DCHS2: variants seen among roughly 807,000 people sequenced by gnomAD.
DCHS2 encodes the protein dachsous cadherin-related 2.
A neutral mutation model predicts 182.4 loss-of-function variants in DCHS2; 142 were observed. The ratio of observed to expected loss-of-function variants is 0.78; its 90% CI spans 0.68 to 0.89. The LOEUF (loss-of-function observed/expected upper bound fraction) is 0.89, where lower values mean the gene tolerates loss of function less well. Ranked by LOEUF, DCHS2 falls within the 40% of genes least tolerant of loss-of-function variation. The pLI is 0.00. For synonymous variants in DCHS2, 1,740 were observed against 1,663.3 expected (o/e 1.05, Z -1.12); for missense variants, 4,319 against 4,198.6 (o/e 1.03, Z -0.79).
chr4:154,437,398 C>T (rs373498517), intron 1 of DCHS2, among the ~76,000 whole-genome samples: 4 of 152,110 alleles, frequency 2.6e-5, no homozygotes, highest in African/African-American at 4.8e-5. Context: ...GGGAAGGCAG[C>T]GACTACTGAA....
At chr4:154,343,462 A>G in intron 3 of DCHS2, 1 of 1,433,774 alleles carries the variant, frequency 7.0e-7, no homozygotes, top group Non-Finnish European at 9.2e-7. Context: ...TGTTTAGTGT[A>G]ACCACCTTCA....
chr4:154,373,892 C>T (rs1730759078), intron 2 of DCHS2: 2 of 1,575,954 alleles, frequency 1.3e-6, no homozygotes, highest in Non-Finnish European at 1.7e-6. Flanking sequence ...TTAAAAGACT[C>T]AGATTATAGA....
intron 8 of DCHS2, 85 bp downstream of exon 8, chr4:154,322,246 A>T: frequency 1.3e-6 from 2 of 1,545,026 alleles, no homozygotes; most frequent in Non-Finnish European, 1.8e-6. Context: ...CATACATATT[A>T]CATGTATCTT....
At position 154,417,204 on chromosome 4, in the gene DCHS2, T is replaced by TGAGAGAGAGAGAGAGAGAGAGA. The variant is rs70947163; in HGVS notation, c.2053-39782_2053-39761dup. On this transcript the variant is annotated intron_variant, in intron 1 of 19. Coordinates refer to ENST00000357232, the MANE Select transcript of DCHS2 (RefSeq NM_001358235.2). ...GTGTGTGTGTGTGTGTGTGTGTGTG[T>TGAGAGAGAGAGAGAGAGAGAGA]GAGAGAGAGAGAGAGAGAGAGAGAG... 2.3e-4 allele frequency among the ~76,000 whole-genome samples: 9 copies of TGAGAGAGAGAGAGAGAGAGAGA among 39,508 alleles called. No individual in the cohort carries two copies. The East Asian group carries it at 5.0e-3, about 22-fold the overall frequency. The allele number at this position is 39,508 out of a possible 152,430, so 25.9% of individuals were successfully genotyped here. A position where few individuals can be genotyped will look rare whatever the true frequency, so the allele number is the denominator to read the frequency against.
intron 1 of DCHS2, among the ~76,000 whole-genome samples, chr4:154,443,245 C>G (rs1249930944): frequency 1.3e-5 from 2 of 151,988 alleles, no homozygotes; most frequent in Non-Finnish European, 2.9e-5. Flanking sequence ...TACGGCTAAA[C>G]AAAAAAACAG....
rs1731286923 is a variant in DCHS2, at chr4:154,233,491, T to TA, written c.*1044dup. On this transcript the variant is annotated 3_prime_UTR_variant, in exon 20 of 20. Transcript: ENST00000357232. The stretch of plus-strand genomic sequence containing the variant: ...AACTTTTATAGTAGAAACATTTCCA[T>TA]AAAAAACTTCATTTAAAAATATATT... 6.6e-6 allele frequency: 1 copy of TA among 152,176 alleles called. No individual in the cohort carries two copies. Among genetic ancestry groups the TA allele is most frequent in the Non-Finnish European group, 1.5e-5 (1 of 68,030 alleles). The allele number at this position is 152,176 out of a possible 1,614,324, so 9.4% of individuals were successfully genotyped here. A position where few individuals can be genotyped will look rare whatever the true frequency, so the allele number is the denominator to read the frequency against.
At chr4:154,459,631 A>G (rs1734923087) in intron 1 of DCHS2, among the ~76,000 whole-genome samples, 1 of 151,934 alleles carries the variant, frequency 6.6e-6, no homozygotes, top group Non-Finnish European at 1.5e-5. Context: ...AGTGGCTTCT[A>G]GTTAGATTTA....
At chr4:154,269,063 T>C (rs1359890610) in intron 14 of DCHS2, 1 of 152,174 alleles carries the variant, frequency 6.6e-6, no homozygotes, top group African/African-American at 2.4e-5. Flanking sequence ...CGTGAACAGG[T>C]TTCCTATACT....
rs1320033770 is a variant in DCHS2 at position 154,490,419 on chromosome 4, C to G, written c.937G>C (p.Ala313Pro). 1 of 1,533,604 alleles carries G rather than the reference C, an allele frequency of 6.5e-7. No homozygotes were observed. Among genetic ancestry groups the G allele is most frequent in the Non-Finnish European group, 8.7e-7 (1 of 1,144,970 alleles). 95.0% of individuals were successfully genotyped at this position (1,533,604 alleles called of 1,614,324 possible). A position where few individuals can be genotyped will look rare whatever the true frequency, so the allele number is the denominator to read the frequency against. ...GTGGCGCGCACGCGACAGACCTCGG[C>G]GCCCGGCTGGGCGTCCTCGCGCACC... ...AAVREDAQPGAEVCRVRATDR... is the reference protein window; with the variant it reads ...AAVREDAQPGPEVCRVRATDR... Residue 313 changes from alanine (A) to proline (P), a missense_variant, in exon 1 of 20, where the codon GCC becomes CCC. Transcript: ENST00000357232.
intron 2 of DCHS2, among the ~76,000 whole-genome samples, chr4:154,376,878 T>G (rs1407538033): frequency 6.6e-6 from 1 of 152,170 alleles, no homozygotes; most frequent in South Asian, 2.1e-4. Flanking sequence ...CTGTTACAGA[T>G]GGAAACTTAA....
intron 1 of DCHS2, among the ~76,000 whole-genome samples, chr4:154,378,684 G>A (rs1731037426): frequency 6.6e-6 from 1 of 152,208 alleles, no homozygotes; most frequent in Non-Finnish European, 1.5e-5. Context: ...GGCTCAGAGA[G>A]TTTATGTAAC....
At chr4:154,383,760 C>T (rs1731273705) in intron 1 of DCHS2, among the ~76,000 whole-genome samples, 1 of 151,984 alleles carries the variant, frequency 6.6e-6, no homozygotes, top group Non-Finnish European at 1.5e-5. Context: ...CATGATGTAA[C>T]AGGGTTGGCC....
In DCHS2 at chr4:154,366,376, C is replaced by T. The variant is rs1000756697; in HGVS notation, c.2310G>A (p.Val770=). The T allele has an allele frequency of 3.1e-6, 5 of 1,613,800 alleles. No homozygotes were observed. In the African/African-American group the frequency reaches 5.3e-5, roughly 17 times the overall value. The change falls in exon 3 of 20, where the codon GTG becomes GTA. Residue 770 remains valine (V), a synonymous_variant. Coordinates refer to ENST00000357232, the MANE Select transcript of DCHS2 (RefSeq NM_001358235.2). ...DLEDVNDNHP[V]FNPSTYVTSI... ...TCGTCACATAGGTTGATGGGTTAAA[C>T]ACAGGATGATTATCATTCACGTCCT...
At chr4:154,302,590 G>A (rs1363918937) in intron 12 of DCHS2, among the ~76,000 whole-genome samples, 1 of 152,012 alleles carries the variant, frequency 6.6e-6, no homozygotes, top group Non-Finnish European at 1.5e-5. Context: ...TTGGCAGGCA[G>A]CTTTGCCAAT....
chr4:154,472,120 G>A (rs1399877178), intron 1 of DCHS2, among the ~76,000 whole-genome samples: 1 of 152,188 alleles, frequency 6.6e-6, no homozygotes, highest in Non-Finnish European at 1.5e-5. Context: ...TTCAGGACAT[G>A]AAACCACAAA....
chr4:154,290,415 C>T (rs1385801153), intron 13 of DCHS2, among the ~76,000 whole-genome samples: 8 of 151,970 alleles, frequency 5.3e-5, no homozygotes, highest in South Asian at 4.1e-4. Flanking sequence ...ATACCAATGA[C>T]GTTCTTCATA....
rs1484556554 is a variant in DCHS2, at chr4:154,235,722, T to G, written c.8930A>C (p.Asn2977Thr). 1.2e-6 allele frequency: 2 copies of G among 1,613,950 alleles called. No homozygotes were observed. Among genetic ancestry groups the G allele is most frequent in the Non-Finnish European group, 1.7e-6 (2 of 1,179,862 alleles). The change falls in exon 20 of 20, where the codon AAT becomes ACT. Residue 2977 changes from asparagine (N) to threonine (T), a missense_variant. Coordinates refer to ENST00000357232, the MANE Select transcript of DCHS2 (RefSeq NM_001358235.2). ...TGTTCCTTCAGAGGAGAAAGACACA[T>G]TCACAAAAACAGTGCAAGATGCAAA... ...SKFASCTVFV[N>T]VSFSSEGTPL...
Position 154,235,464 on chromosome 4 carries a change from A to G in DCHS2, c.9188T>C (p.Val3063Ala). ...QKTDDCSNEV[V>A]PVDATPEWLS... is the part of the protein sequence containing the mutation. ...CCATTCCGGAGTGGCATCCACAGGG[A>G]CCACCTCGTTACTGCAGTCGTCAGT... The change falls in exon 20 of 20, where the codon GTC becomes GCC. Residue 3063 changes from valine (V) to alanine (A), a missense_variant. Coordinates refer to ENST00000357232, the MANE Select transcript of DCHS2 (RefSeq NM_001358235.2). 1 of 1,613,980 alleles carries G rather than the reference A, an allele frequency of 6.2e-7. No individual in the cohort carries two copies. Among genetic ancestry groups the G allele is most frequent in the Non-Finnish European group, 8.5e-7 (1 of 1,179,956 alleles).
At chr4:154,408,940 C>A (rs1185600158) in intron 1 of DCHS2, among the ~76,000 whole-genome samples, 1 of 152,126 alleles carries the variant, frequency 6.6e-6, no homozygotes, top group Non-Finnish European at 1.5e-5. Context: ...GCGTGGAGTT[C>A]CCCTGGGGAG....
Sources: allele counts gnomAD v4.1 joint callset (sites outside exome capture counted in the v4.1 genomes callset), GRCh38; gene constraint gnomAD v4.1.1; transcripts MANE v1.5; gene names NCBI Gene and HGNC (gene_info 2026-07-23, HGNC 2026-07-21).